Variants in NEDD4L observed in about 807,000 individuals in gnomAD.
The protein encoded by NEDD4L is NEDD4 like E3 ubiquitin protein ligase, also known as E3 ubiquitin-protein ligase NEDD4-like.
A neutral mutation model predicts 148.9 loss-of-function variants in NEDD4L; 54 were observed. The ratio of observed to expected loss-of-function variants is 0.36; its 90% CI spans 0.29 to 0.45. NEDD4L has a LOEUF of 0.45. Ranked by LOEUF, NEDD4L falls within the 20% of genes least tolerant of loss-of-function variation. The probability of loss-of-function intolerance (pLI) is 1.00; values close to 1 mark genes in which losing one functional copy is unlikely to be tolerated. For synonymous variants in NEDD4L, 433 were observed against 440.7 expected, an observed-to-expected ratio of 0.98 and a Z score of 0.22; for missense variants, 856 against 1,233.8, an observed-to-expected ratio of 0.69 and a Z score of 4.59.
intron 1 of NEDD4L, among the ~76,000 whole-genome samples, chr18:58,076,850 C>CTT (rs375840476): frequency 2.1e-4 from 28 of 136,440 alleles, no homozygotes; most frequent in African/African-American, 3.0e-4. Context: ...AATATACCTG[C>CTT]TTTTTTTTTT....
At chr18:58,070,045 A>G (rs1478918041) in intron 1 of NEDD4L, among the ~76,000 whole-genome samples, 1 of 152,182 alleles carries the variant, frequency 6.6e-6, no homozygotes, top group Non-Finnish European at 1.5e-5. Flanking sequence ...AAGAAATGTC[A>G]CAATTCGACC....
At chr18:58,302,517 T>C (rs1447033243) in intron 5 of NEDD4L, among the ~76,000 whole-genome samples, 1 of 152,236 alleles carries the variant, frequency 6.6e-6, no homozygotes, top group Non-Finnish European at 1.5e-5. Context: ...ACCAGATGAA[T>C]TGAACCACTG....
At chr18:58,165,735 T>G in intron 1 of NEDD4L, 53 bp from the exon 2 acceptor site, 9 of 1,528,890 alleles carry the variant, frequency 5.9e-6, no homozygotes, top group Non-Finnish European at 8.1e-6. Context: ...GATGAGAGAG[T>G]GATTGATTGA....
chr18:58,346,146 AG>A (rs1466718568), intron 16 of NEDD4L, among the ~76,000 whole-genome samples: 1 of 152,098 alleles, frequency 6.6e-6, no homozygotes, highest in Non-Finnish European at 1.5e-5. Flanking sequence ...GCTGGAGACC[AG>A]GGGCTTGGGA....
At chr18:58,312,420 T>C (rs544011832) in intron 5 of NEDD4L, among the ~76,000 whole-genome samples, 1 of 152,288 alleles carries the variant, frequency 6.6e-6, no homozygotes, top group Middle Eastern at 3.4e-3. Flanking sequence ...AAAAATTGAT[T>C]TGATTAATGC....
intron 2 of NEDD4L, among the ~76,000 whole-genome samples, chr18:58,190,420 T>G (rs1374141789): frequency 2.0e-5 from 3 of 152,220 alleles, no homozygotes; most frequent in Non-Finnish European, 2.9e-5. Flanking sequence ...AGATAAGTAT[T>G]TAATGTTATG....
intron 1 of NEDD4L, among the ~76,000 whole-genome samples, chr18:58,051,483 A>G (rs961749888): frequency 2.6e-5 from 4 of 152,338 alleles, no homozygotes; most frequent in Admixed American, 2.6e-4. Context: ...GGAAGCAACT[A>G]TGCCCATTGC....
intron 17 of NEDD4L, 70 bp downstream of exon 17, chr18:58,349,684 G>A: frequency 8.1e-7 from 1 of 1,231,100 alleles, no homozygotes; most frequent in Non-Finnish European, 1.2e-6. Context: ...TGTTGATGGA[G>A]AGGCCCTGTG....
At chr18:58,138,345 T>C in intron 1 of NEDD4L, among the ~76,000 whole-genome samples, 1 of 141,606 alleles carries the variant, frequency 7.1e-6, no homozygotes, top group Non-Finnish European at 1.5e-5. Context: ...CCTCCTCCTC[T>C]TCCCTCCCCT....
At chr18:58,204,980 T>G (rs1005316150) in intron 2 of NEDD4L, among the ~76,000 whole-genome samples, 1 of 152,168 alleles carries the variant, frequency 6.6e-6, no homozygotes, top group Non-Finnish European at 1.5e-5. Flanking sequence ...TAAAGCAGAA[T>G]GTGGATCAGA....
At position 58,323,248 on chromosome 18, in the gene NEDD4L, A is replaced by G; in HGVS notation, c.427A>G (p.Lys143Glu). The change falls in exon 8 of 31, where the codon AAG becomes GAG. Residue 143 changes from lysine (K) to glutamate (E), a missense_variant. Lys to Glu is a moderately conservative substitution (Grantham distance 56). Around this residue, in one of 4 missense-constraint regions of NEDD4L, gnomAD observed 193 missense variants for 244.2 expected, o/e 0.79. Transcript: ENST00000400345. ...LRPRSHKSRV[K>E]GFLRLKMAYM... ...TGTGTGCAGTCATAAGTCTCGAGTT[A>G]AGGGATTTTTGCGATTGAAAATGGC... 1 of 1,600,518 alleles carries G rather than the reference A, an allele frequency of 6.2e-7. No individual in the cohort carries two copies. Among genetic ancestry groups the G allele is most frequent in the East Asian group, 2.2e-5 (1 of 44,730 alleles).
chr18:58,379,119 C>G (rs546432619), intron 24 of NEDD4L, among the ~76,000 whole-genome samples: 2 of 152,204 alleles, frequency 1.3e-5, no homozygotes, highest in East Asian at 1.9e-4. Flanking sequence ...GCGGGGTGTG[C>G]GTTTCGTGGC....
At chr18:58,219,545 C>T (rs1044735278) in intron 2 of NEDD4L, among the ~76,000 whole-genome samples, 30 of 152,298 alleles carry the variant, frequency 2.0e-4, no homozygotes, top group African/African-American at 7.2e-4. Flanking sequence ...CCGGAGCCTG[C>T]GATGAAGCAG....
chr18:58,302,629 T>G (rs564816255), intron 5 of NEDD4L, among the ~76,000 whole-genome samples: 34 of 152,354 alleles, frequency 2.2e-4, no homozygotes, highest in Non-Finnish European at 3.4e-4. Flanking sequence ...TGACAGTAGC[T>G]TAATAACATT....
At chr18:58,311,179 G>A (rs1364315300) in intron 5 of NEDD4L, among the ~76,000 whole-genome samples, 1 of 152,178 alleles carries the variant, frequency 6.6e-6, no homozygotes, top group Non-Finnish European at 1.5e-5. Context: ...ACACATTTAT[G>A]TATGCATGTA....
At chr18:58,063,456 A>G (rs376203485) in intron 1 of NEDD4L, among the ~76,000 whole-genome samples, 4 of 152,110 alleles carry the variant, frequency 2.6e-5, no homozygotes, top group Admixed American at 6.5e-5. Flanking sequence ...CTGTTACTCA[A>G]TGCTTAACTA....
At chr18:58,197,526 T>A (rs1267686032) in intron 2 of NEDD4L, among the ~76,000 whole-genome samples, 1 of 152,186 alleles carries the variant, frequency 6.6e-6, no homozygotes, top group South Asian at 2.1e-4. Flanking sequence ...TTGATCCAGA[T>A]GCATTTTTCA....
chr18:58,277,475 T>C (rs1162990500), intron 5 of NEDD4L, among the ~76,000 whole-genome samples: 1 of 152,002 alleles, frequency 6.6e-6, no homozygotes, highest in Non-Finnish European at 1.5e-5. Flanking sequence ...CTTGTGCATG[T>C]GGTAGATCTT....
intron 1 of NEDD4L, among the ~76,000 whole-genome samples, chr18:58,120,954 T>C (rs572097189): frequency 2.7e-4 from 41 of 151,996 alleles, no homozygotes; most frequent in African/African-American, 8.9e-4. Flanking sequence ...TTTGAAGATA[T>C]GGACTTAGGT....
Sources: gnomAD v4.1 joint callset for allele counts (sites outside exome capture counted in the v4.1 genomes callset) on GRCh38, gnomAD v4.1.1 for gene constraint, gnomAD v4.1.1 regional missense constraint, MANE v1.5 for transcripts, NCBI Gene and HGNC (gene_info 2026-07-23, HGNC 2026-07-21) for gene names.